The following MAGI1 variants were observed in gnomAD, a reference collection of about 807,000 sequenced individuals.
MAGI1 encodes the protein membrane-associated guanylate kinase, WW and PDZ domain-containing protein 1.
In MAGI1, 58 loss-of-function variants were observed where a neutral mutation model predicts 139.9. The ratio of observed to expected loss-of-function variants is 0.41; its 90% confidence interval spans 0.34 to 0.52. The LOEUF (loss-of-function observed/expected upper bound fraction) is 0.52. Ranked by LOEUF, MAGI1 falls within the 20% of genes least tolerant of loss-of-function variation. The pLI, the probability that MAGI1 is intolerant of heterozygous loss-of-function variation, is 0.12. For synonymous variants in MAGI1, 812 were observed against 737.9 expected, an observed-to-expected ratio of 1.10 and a Z score of -1.63; for missense variants, 1,874 against 1,901.6, an observed-to-expected ratio of 0.99 and a Z score of 0.27.
At position 65,570,630 on chromosome 3, in the gene MAGI1, C is replaced by T. The variant is rs201558472; in HGVS notation, c.430+51342G>A. ...ATCCAGGATTTGCTACAAAATAATT[C>T]GGTGGCAGGAAAATAAACCAGAATG... On this transcript the variant is annotated intron_variant, in intron 2 of 22. Transcript: ENST00000402939. Among the ~76,000 whole-genome samples the T allele has an allele frequency of 6.6e-5, 10 of 152,166 alleles. No individual in the cohort carries two copies. The East Asian group carries it at 1.2e-3, about 18-fold the overall frequency.
At chr3:65,376,043 T>A in intron 17 of MAGI1, 98 bp from the exon 18 acceptor site, 1 of 854,374 alleles carries the variant, frequency 1.2e-6, no homozygotes, top group Non-Finnish European at 1.8e-6. Context: ...GGTTAAGTGT[T>A]AATAAATTAA....
chr3:66,020,465 G>A (rs1256670451), intron 1 of MAGI1, among the ~76,000 whole-genome samples: 1 of 152,122 alleles, frequency 6.6e-6, no homozygotes, highest in East Asian at 1.9e-4. Context: ...AAGACAGGAG[G>A]AGGGTGAAAA....
At chr3:65,917,606 A>G (rs2061965365) in intron 1 of MAGI1, among the ~76,000 whole-genome samples, 1 of 152,248 alleles carries the variant, frequency 6.6e-6, no homozygotes, top group Admixed American at 6.5e-5. Context: ...ATTCAACACT[A>G]AAAAGAAACA....
chr3:65,451,555 G>A (rs1165754380), intron 6 of MAGI1, among the ~76,000 whole-genome samples: 3 of 152,110 alleles, frequency 2.0e-5, no homozygotes, highest in South Asian at 4.1e-4. Flanking sequence ...TTCCTAATCC[G>A]AAAATCCAAG....
chr3:65,515,329 G>C (rs2077814059), intron 2 of MAGI1, among the ~76,000 whole-genome samples: 1 of 151,998 alleles, frequency 6.6e-6, no homozygotes, highest in Non-Finnish European at 1.5e-5. Context: ...TACATTTGAA[G>C]ACAGCAATTT....
rs187885775 is a variant in MAGI1 at position 65,695,657 on chromosome 3, C to T, written c.314-73569G>A. On this transcript the variant is annotated intron_variant, in intron 1 of 22. Coordinates refer to ENST00000402939, the MANE Select transcript of MAGI1 (RefSeq NM_001033057.2). Reference sequence around the variant, plus strand: ...GGGGGATGAATGAATCTACAGTAGACGCCTAGACCTCTTTTAAGGAGAGAT... The same window carrying T: ...GGGGGATGAATGAATCTACAGTAGATGCCTAGACCTCTTTTAAGGAGAGAT... Among the ~76,000 whole-genome samples the T allele has an allele frequency of 1.5e-4, 23 of 152,234 alleles. No homozygotes were observed. In the East Asian group the frequency reaches 2.5e-3, roughly 17 times the overall value.
At chr3:66,001,298 A>T (rs2066724898) in intron 1 of MAGI1, among the ~76,000 whole-genome samples, 1 of 152,168 alleles carries the variant, frequency 6.6e-6, no homozygotes, top group South Asian at 2.1e-4. Flanking sequence ...CAAAAAGAAA[A>T]TTTTAAAATA....
intron 1 of MAGI1, among the ~76,000 whole-genome samples, chr3:65,706,823 T>C: frequency 6.6e-6 from 1 of 152,132 alleles, no homozygotes; most frequent in East Asian, 1.9e-4. Context: ...ACCACAGGAC[T>C]CTCTCAGCCA....
At chr3:65,761,589 G>A (rs2037034542) in intron 1 of MAGI1, among the ~76,000 whole-genome samples, 2 of 152,116 alleles carry the variant, frequency 1.3e-5, no homozygotes, top group Non-Finnish European at 2.9e-5. Flanking sequence ...GTTAAGAGGA[G>A]CAAGCCATTT....
chr3:65,694,375 T>C (rs921018968), intron 1 of MAGI1, among the ~76,000 whole-genome samples: 1 of 152,152 alleles, frequency 6.6e-6, no homozygotes, highest in Non-Finnish European at 1.5e-5. Flanking sequence ...CACCTGTCTG[T>C]TGTGGGGATT....
Position 65,710,243 on chromosome 3 carries a change from G to A in MAGI1, c.314-88155C>T, listed in dbSNP as rs539588603. On this transcript the variant is annotated intron_variant, in intron 1 of 22. Coordinates refer to ENST00000402939, the MANE Select transcript of MAGI1 (RefSeq NM_001033057.2). ...TAAGTTTAGAAGATGTCTTTACTTG[G>A]TGAATCACTTATTAACCTTACATTT... Among the ~76,000 whole-genome samples, 4 of 147,676 alleles carry A rather than the reference G, an allele frequency of 2.7e-5. No individual in the cohort carries two copies. The East Asian group carries it at 8.0e-4, about 29-fold the overall frequency.
intron 1 of MAGI1, among the ~76,000 whole-genome samples, chr3:65,768,098 GCAACCCTTTA>G (rs2037638276): frequency 6.6e-6 from 1 of 152,102 alleles, no homozygotes; most frequent in Non-Finnish European, 1.5e-5. Flanking sequence ...ATTCCTACTG[GCAACCCTTTA>G]CACAAGTTGC....
intron 20 of MAGI1, among the ~76,000 whole-genome samples, chr3:65,364,413 T>C (rs1299091883): frequency 6.6e-6 from 1 of 152,130 alleles, no homozygotes; most frequent in Non-Finnish European, 1.5e-5. Flanking sequence ...TTTCTCTAAC[T>C]GCCGATCCTT....
chr3:65,659,677 T>C (rs1576630369), intron 1 of MAGI1, among the ~76,000 whole-genome samples: 1 of 152,316 alleles, frequency 6.6e-6, no homozygotes, highest in Admixed American at 6.5e-5. Flanking sequence ...TAAGTATGTA[T>C]TTTTCACTTT....
chr3:65,613,529 A>C (rs2083223281), intron 2 of MAGI1, among the ~76,000 whole-genome samples: 1 of 152,308 alleles, frequency 6.6e-6, no homozygotes, highest in East Asian at 1.9e-4. Context: ...GACACATATA[A>C]ATCAAGTCCA....
At chr3:65,928,676 GT>G (rs2062644549) in intron 1 of MAGI1, among the ~76,000 whole-genome samples, 1 of 152,000 alleles carries the variant, frequency 6.6e-6, no homozygotes, top group Non-Finnish European at 1.5e-5. Flanking sequence ...AATTTCCACG[GT>G]TCTAATCACT....
intron 1 of MAGI1, among the ~76,000 whole-genome samples, chr3:65,709,732 G>A (rs189578017): frequency 3.0e-4 from 46 of 152,284 alleles, no homozygotes; most frequent in Admixed American, 3.0e-3. Context: ...TGAGAAGAGT[G>A]CTCATTTCAC....
intron 1 of MAGI1, among the ~76,000 whole-genome samples, chr3:65,883,950 A>T (rs1485949094): frequency 6.6e-6 from 1 of 152,230 alleles, no homozygotes. Context: ...AAAAGAAAAA[A>T]GAAAAGAATT....
At chr3:65,901,310 G>A (rs2061222318) in intron 1 of MAGI1, among the ~76,000 whole-genome samples, 1 of 152,196 alleles carries the variant, frequency 6.6e-6, no homozygotes, top group South Asian at 2.1e-4. Flanking sequence ...CCAGAGACTG[G>A]GAGCTCAGAG....
Sources: gnomAD v4.1 joint callset for allele counts (sites outside exome capture counted in the v4.1 genomes callset) on GRCh38, gnomAD v4.1.1 for gene constraint, MANE v1.5 for transcripts, NCBI Gene and HGNC (gene_info 2026-07-23, HGNC 2026-07-21) for gene names.